Variants in EIF2AK4 observed in about 807,000 individuals in gnomAD.
EIF2AK4 encodes eukaryotic translation initiation factor 2 alpha kinase 4.
In EIF2AK4, 139 loss-of-function variants were observed where a neutral mutation model predicts 211.1. That is an observed-to-expected ratio of 0.66 (90% confidence interval 0.57 to 0.76). EIF2AK4 has a LOEUF of 0.76. Ranked by LOEUF, EIF2AK4 falls within the 30% of genes least tolerant of loss-of-function variation. The pLI is 0.00. For missense variants in EIF2AK4, 1,664 were observed against 2,043.8 expected (o/e 0.81, Z 3.58); for synonymous variants, 710 against 751.3 (o/e 0.94, Z 0.90).
chr15:39,985,742 T>C lies in EIF2AK4; in HGVS notation c.2320-63T>C. ...GGGGGTGGGCACAAATACTTAATGA[T>C]GGTGATGATTTTGCTTAATTTTGGC... On this transcript the variant is annotated intron_variant, in intron 13 of 38. Transcript: ENST00000263791. 1.3e-6 allele frequency: 2 copies of C among 1,514,406 alleles called. 1 individual carries two copies. 93.8% of individuals were successfully genotyped at this position (1,514,406 alleles called of 1,614,324 possible).
intron 13 of EIF2AK4, among the ~76,000 whole-genome samples, chr15:39,980,101 T>C (rs143513439): frequency 1.3e-5 from 2 of 152,336 alleles, no homozygotes; most frequent in African/African-American, 2.4e-5. Flanking sequence ...TATCATTTCT[T>C]AATCATGACC....
intron 33 of EIF2AK4, 56 bp from the exon 34 acceptor site, chr15:40,029,350 G>A: frequency 6.2e-7 from 1 of 1,602,082 alleles, no homozygotes. Flanking sequence ...TGTAAGTTAT[G>A]TGTTGCTTGT....
chr15:39,958,550 C>T (rs73384392), intron 6 of EIF2AK4, among the ~76,000 whole-genome samples: 2,697 of 152,246 alleles, frequency 0.018, 90 homozygotes, highest in African/African-American at 0.062. Flanking sequence ...ATCCTTGATA[C>T]GTCTCTCCAG....
At chr15:39,988,765 T>G (rs747218017) in intron 15 of EIF2AK4, among the ~76,000 whole-genome samples, 4 of 151,786 alleles carry the variant, frequency 2.6e-5, no homozygotes, top group Non-Finnish European at 5.9e-5. Context: ...CTTTGGGAGG[T>G]CAAGATGGGC....
intron 24 of EIF2AK4, among the ~76,000 whole-genome samples, chr15:40,007,723 C>G (rs1567002770): frequency 6.6e-6 from 1 of 152,144 alleles, no homozygotes; most frequent in Non-Finnish European, 1.5e-5. Context: ...TAATCGTAGT[C>G]CTATGGTGTG....
In EIF2AK4 at chr15:39,967,601, C is replaced by T. The variant is rs775472487; in HGVS notation, c.1275C>T (p.Val425=). The T allele has an allele frequency of 1.2e-5, 19 of 1,614,066 alleles. No individual in the cohort carries two copies. Among genetic ancestry groups the T allele is most frequent in the Non-Finnish European group, 1.6e-5 (19 of 1,180,014 alleles). ...YLHSNSVVHK[V]LSASNVLVDA... ...ACAGCAATTCTGTGGTGCATAAGGTCCTGAGTGCATCTAATGTCTTGGTGG... is the reference window on the plus strand; with the variant it reads ...ACAGCAATTCTGTGGTGCATAAGGTTCTGAGTGCATCTAATGTCTTGGTGG... Residue 425 remains valine, a synonymous_variant, in exon 9 of 39, where the codon GTC becomes GTT. Coordinates refer to ENST00000263791, the MANE Select transcript of EIF2AK4 (RefSeq NM_001013703.4).
rs192127643 is a variant in EIF2AK4, at chr15:40,030,479, T to C, written c.4659+23T>C. 312 of 1,601,668 alleles carry C rather than the reference T, an allele frequency of 1.9e-4. No individual in the cohort carries two copies. The African/African-American group carries it at 3.5e-3, about 18-fold the overall frequency. On this transcript the variant is annotated intron_variant, in intron 35 of 38. Transcript: ENST00000263791. ...CAGGTACACTGGGTCAGGGTTTCTT[T>C]GGCTTTCTAATATGAGTTACAGAAG...
At chr15:39,973,418 C>A (rs150520754) in intron 10 of EIF2AK4, among the ~76,000 whole-genome samples, 174 bp from the exon 11 acceptor site, 38 of 152,264 alleles carry the variant, frequency 2.5e-4, no homozygotes, top group African/African-American at 9.1e-4. Context: ...TATATTTCTG[C>A]CTACTTTAAG....
intron 26 of EIF2AK4, among the ~76,000 whole-genome samples, chr15:40,010,425 T>G (rs1481335222): frequency 1.3e-5 from 2 of 152,182 alleles, no homozygotes; most frequent in Non-Finnish European, 2.9e-5. Flanking sequence ...CTTCCCTAAT[T>G]TAGTCACATC....
intron 14 of EIF2AK4, among the ~76,000 whole-genome samples, chr15:39,986,497 T>C (rs1243701758): frequency 6.6e-6 from 1 of 152,248 alleles, no homozygotes; most frequent in African/African-American, 2.4e-5. Flanking sequence ...TTGGCCTGCC[T>C]ACCTGCCAGA....
chr15:40,008,897 A>G (rs575592458), intron 25 of EIF2AK4, among the ~76,000 whole-genome samples: 2 of 152,306 alleles, frequency 1.3e-5, no homozygotes, highest in East Asian at 3.9e-4. Context: ...CCAGCTCGGC[A>G]CATGGCTCAC....
At chr15:39,999,301 A>G (rs1168062763) in intron 20 of EIF2AK4, among the ~76,000 whole-genome samples, 1 of 152,108 alleles carries the variant, frequency 6.6e-6, no homozygotes, top group Non-Finnish European at 1.5e-5. Context: ...ACATAGGCTA[A>G]TATTGGCATC....
intron 14 of EIF2AK4, among the ~76,000 whole-genome samples, chr15:39,987,224 G>A (rs567688533): frequency 4.6e-5 from 7 of 152,236 alleles, no homozygotes; most frequent in Non-Finnish European, 1.0e-4. Context: ...AGGTGCATCC[G>A]ACATGCATCA....
intron 7 of EIF2AK4, 135 bp from the exon 8 acceptor site, chr15:39,965,551 C>T (rs1292922423): frequency 2.1e-6 from 2 of 975,102 alleles, no homozygotes; most frequent in Admixed American, 4.9e-5. Context: ...GACATTATTA[C>T]ATAAAGTCCT....
chr15:40,026,178 G>A, intron 33 of EIF2AK4, 89 bp downstream of exon 33: 1 of 1,209,570 alleles, frequency 8.3e-7, no homozygotes, highest in Non-Finnish European at 1.2e-6. Context: ...ATTTGAGCCA[G>A]GTGCTGTGGC....
intron 21 of EIF2AK4, 33 bp from the exon 22 acceptor site, chr15:40,002,680 T>G: frequency 6.2e-7 from 1 of 1,609,378 alleles, no homozygotes; most frequent in African/African-American, 1.3e-5. Context: ...TGATAAGGCT[T>G]CAATGATGAT....
intron 18 of EIF2AK4, among the ~76,000 whole-genome samples, chr15:39,993,426 G>T (rs558003534): frequency 1.3e-5 from 2 of 152,356 alleles, no homozygotes; most frequent in Admixed American, 6.5e-5. Context: ...GTGACAAAGA[G>T]AACAGATTGA....
In EIF2AK4 at chr15:39,934,179, T is replaced by G; in HGVS notation, c.-17T>G. The G allele has an allele frequency of 6.7e-7, 1 of 1,500,138 alleles. No homozygotes were observed. The highest frequency in any genetic ancestry group is 8.9e-7 in the Non-Finnish European group (1 of 1,126,388). The allele number at this position is 1,500,138 out of a possible 1,614,324, so 92.9% of individuals were successfully genotyped here. A position where few individuals can be genotyped will look rare whatever the true frequency, so the allele number is the denominator to read the frequency against. On this transcript the variant is annotated 5_prime_UTR_variant, in exon 1 of 39. Transcript: ENST00000263791. ...GCCGCCCAGGCAAGGCCGCCCTGCC[T>G]TGGGCGCAGCGCTGCCATGGCTGGG...
intron 3 of EIF2AK4, among the ~76,000 whole-genome samples, chr15:39,943,966 G>GA (rs990031075): frequency 2.1e-5 from 3 of 143,456 alleles, no homozygotes; most frequent in Non-Finnish European, 3.0e-5. Flanking sequence ...TAAAAAAAAA[G>GA]AAAAAAAGAA....
Sources: gnomAD v4.1 joint callset for allele counts (sites outside exome capture counted in the v4.1 genomes callset) on GRCh38, gnomAD v4.1.1 for gene constraint, MANE v1.5 for transcripts, NCBI Gene and HGNC (gene_info 2026-07-23, HGNC 2026-07-21) for gene names.